Variants in C1GALT1 observed in about 807,000 individuals in gnomAD.
C1GALT1 encodes core 1 synthase, glycoprotein-N-acetylgalactosamine 3-beta-galactosyltransferase 1, also known as glycoprotein-N-acetylgalactosamine 3-beta-galactosyltransferase 1.
In C1GALT1, 11 loss-of-function variants were observed where a neutral mutation model predicts 31.0. The ratio of observed to expected loss-of-function variants is 0.36; its 90% CI spans 0.22 to 0.59. The LOEUF (loss-of-function observed/expected upper bound fraction) is 0.59, where lower values mean the gene tolerates loss of function less well. Among genes scored for constraint, C1GALT1 ranks in the 20% least tolerant of loss-of-function variants. C1GALT1 has a pLI of 0.79. For missense variants in C1GALT1, 424 were observed against 425.2 expected (o/e 1.00, Z 0.03); for synonymous variants, 175 against 143.6 (o/e 1.22, Z -1.56).
intron 2 of C1GALT1, among the ~76,000 whole-genome samples, chr7:7,160,180 A>G (rs1780319083): frequency 2.6e-5 from 4 of 152,152 alleles, no homozygotes; most frequent in African/African-American, 9.7e-5. Context: ...TACACGTTCC[A>G]ATAGCCTCAT....
intron 1 of C1GALT1, among the ~76,000 whole-genome samples, chr7:7,186,936 G>A (rs1212926777): frequency 3.9e-5 from 6 of 152,186 alleles, no homozygotes; most frequent in African/African-American, 7.2e-5. Flanking sequence ...TTAGGAAGAC[G>A]GGAGGGTTTT....
intron 1 of C1GALT1, among the ~76,000 whole-genome samples, chr7:7,199,777 C>G (rs576896703): frequency 1.3e-5 from 2 of 152,238 alleles, no homozygotes; most frequent in East Asian, 3.9e-4. Flanking sequence ...TTGAATTGAT[C>G]CCTGTACCAT....
chr7:7,187,288 C>T (rs941613650), intron 1 of C1GALT1, among the ~76,000 whole-genome samples: 6 of 150,910 alleles, frequency 4.0e-5, no homozygotes, highest in South Asian at 2.1e-4. Context: ...CTCACTCTGT[C>T]GCCCAGGCTG....
intron 1 of C1GALT1, among the ~76,000 whole-genome samples, chr7:7,232,119 G>A (rs930433622): frequency 6.6e-6 from 1 of 152,314 alleles, no homozygotes; most frequent in African/African-American, 2.4e-5. Context: ...AGCAGTGCCA[G>A]ATGTCTGGTC....
intron 2 of C1GALT1, among the ~76,000 whole-genome samples, chr7:7,160,165 T>C (rs1364055354): frequency 6.6e-6 from 1 of 152,142 alleles, no homozygotes; most frequent in African/African-American, 2.4e-5. Flanking sequence ...ACATTTTATA[T>C]TGGGTACACG....
At chr7:7,242,803 C>A (rs1279293158) in intron 3 of C1GALT1, among the ~76,000 whole-genome samples, 1 of 152,030 alleles carries the variant, frequency 6.6e-6, no homozygotes, top group African/African-American at 2.4e-5. Context: ...TCTGACCTAC[C>A]TTAGGGCCAC....
chr7:7,238,678 T>C lies in C1GALT1; in HGVS notation c.644T>C (p.Leu215Pro). 1 of 1,614,128 alleles carries C rather than the reference T, an allele frequency of 6.2e-7. No homozygotes were observed. The highest frequency in any genetic ancestry group is 8.5e-7 in the Non-Finnish European group (1 of 1,179,972). Residue 215 changes from leucine to proline, a missense_variant, in exon 3 of 4, where the codon CTA (leucine) becomes CCA (proline). This residue lies in a region of C1GALT1 where 191 missense variants were observed against 188.8 expected (regional missense o/e 1.01). Coordinates refer to ENST00000436587, the MANE Select transcript of C1GALT1 (RefSeq NM_020156.5). The surrounding 1 kb of genome is among the most constrained non-coding windows in gnomAD (Gnocchi z 5.2). ...ATGAGTGGAGGAGCAGGATATGTAC[T>C]AAGCAAAGAAGCCTTGAAAAGATTT... ...GYMSGGAGYVLSKEALKRFVD... is the reference protein window; with the variant it reads ...GYMSGGAGYVPSKEALKRFVD...
rs1172237401 is a variant in C1GALT1 at position 7,245,877 on chromosome 7, ATCTC to A, written c.*2154_*2157del. ...GTTTTTGTAACCTTGAGCAATTTTA[ATCTC>A]TCTGTGTCTCAATTTCCTCATCTTT... is the stretch of plus-strand genomic sequence containing the variant. On this transcript the variant is annotated 3_prime_UTR_variant, in exon 4 of 4. Coordinates refer to ENST00000436587, the MANE Select transcript of C1GALT1 (RefSeq NM_020156.5). 3 of 152,172 alleles carry A rather than the reference ATCTC, an allele frequency of 2.0e-5. No individual in the cohort carries two copies. The highest frequency in any genetic ancestry group is 4.8e-5 in the African/African-American group (2 of 41,428). The allele number at this position is 152,172 out of a possible 1,614,324, so 9.4% of individuals were successfully genotyped here.
intron 2 of C1GALT1, among the ~76,000 whole-genome samples, chr7:7,176,256 C>A (rs1252499624): frequency 6.6e-6 from 1 of 151,860 alleles, no homozygotes; most frequent in Non-Finnish European, 1.5e-5. Flanking sequence ...ACTATAGGTC[C>A]ACCTTTAGAT....
At chr7:7,241,508 A>T (rs1368772306) in intron 3 of C1GALT1, among the ~76,000 whole-genome samples, 1 of 151,994 alleles carries the variant, frequency 6.6e-6, no homozygotes. Flanking sequence ...TTATCTTTGC[A>T]TACAAACTCA....
chr7:7,174,849 T>C (rs1188432705), intron 2 of C1GALT1, among the ~76,000 whole-genome samples: 1 of 152,196 alleles, frequency 6.6e-6, no homozygotes, highest in Admixed American at 6.5e-5. Flanking sequence ...ATCATTTTCC[T>C]GGCTTCCTTT....
At chr7:7,158,783 G>A (rs546891059) in intron 2 of C1GALT1, among the ~76,000 whole-genome samples, 1 of 152,106 alleles carries the variant, frequency 6.6e-6, no homozygotes, top group African/African-American at 2.4e-5. Flanking sequence ...TTTGGATAAT[G>A]TTATGACCTA....
intron 1 of C1GALT1, among the ~76,000 whole-genome samples, chr7:7,196,439 A>ATGG (rs1781291830): frequency 6.6e-6 from 1 of 152,154 alleles, no homozygotes. Context: ...TGTATGTACC[A>ATGG]CATTTTCTTA....
intron 2 of C1GALT1, among the ~76,000 whole-genome samples, chr7:7,163,187 G>T (rs1780355871): frequency 6.6e-6 from 1 of 152,172 alleles, no homozygotes; most frequent in Admixed American, 6.5e-5. Flanking sequence ...TGAAGTCCTT[G>T]CCCGTTCCTA....
intron 2 of C1GALT1, among the ~76,000 whole-genome samples, chr7:7,237,255 T>C (rs1455935721): frequency 1.3e-5 from 2 of 152,230 alleles, no homozygotes; most frequent in Non-Finnish European, 2.9e-5. Context: ...TCATCTAGAA[T>C]CTCATCATTG....
intron 3 of C1GALT1, among the ~76,000 whole-genome samples, chr7:7,239,743 CT>C (rs1467721141): frequency 4.6e-5 from 5 of 108,980 alleles, no homozygotes; most frequent in African/African-American, 1.1e-4. Flanking sequence ...TACTTATCCC[CT>C]GTCTTTACCA....
intron 1 of C1GALT1, among the ~76,000 whole-genome samples, chr7:7,224,194 A>AG (rs1380377734): frequency 6.6e-6 from 1 of 151,972 alleles, no homozygotes; most frequent in African/African-American, 2.4e-5. Context: ...TTAGTACTTA[A>AG]CATGCTAATT....
At chr7:7,180,216 G>T (rs1446475665), upstream of C1GALT1, among the ~76,000 whole-genome samples, 1 of 152,184 alleles carries the variant, frequency 6.6e-6, no homozygotes, top group Non-Finnish European at 1.5e-5. Context: ...GGGAGAATCT[G>T]GTCAGTTTTG....
At chr7:7,220,385 A>G (rs760540852) in intron 1 of C1GALT1, among the ~76,000 whole-genome samples, 6 of 152,186 alleles carry the variant, frequency 3.9e-5, no homozygotes, top group Non-Finnish European at 8.8e-5. Context: ...CCAATTCTGA[A>G]ACTTCTCCCA....
Sources: allele counts gnomAD v4.1 joint callset (sites outside exome capture counted in the v4.1 genomes callset), GRCh38; gene constraint gnomAD v4.1.1; regional missense constraint gnomAD v4.1.1; non-coding constraint Gnocchi (gnomAD v3.1); transcripts MANE v1.5; gene names NCBI Gene and HGNC (gene_info 2026-07-23, HGNC 2026-07-21).